Variants in DLG2 observed in about 807,000 individuals in gnomAD.
DLG2 encodes the protein disks large homolog 2.
Under a neutral mutation model 132.5 loss-of-function variants are expected in DLG2, and 45 were observed. The ratio of observed to expected loss-of-function variants is 0.34; its 90% confidence interval spans 0.27 to 0.44. The LOEUF is 0.44. Ranked by LOEUF, DLG2 falls within the 20% of genes least tolerant of loss-of-function variation. The pLI, the probability that DLG2 is intolerant of heterozygous loss-of-function variation, is 1.00. For synonymous variants in DLG2, 424 were observed against 419.6 expected (o/e 1.01, Z -0.13); for missense variants, 1,045 against 1,196.9 (o/e 0.87, Z 1.87).
At chr11:83,818,345 G>A (rs1293494560) in intron 17 of DLG2, among the ~76,000 whole-genome samples, 3 of 152,288 alleles carry the variant, frequency 2.0e-5, no homozygotes, top group East Asian at 3.9e-4. Flanking sequence ...GACTTGCAGT[G>A]AGGATCTGGG....
intron 14 of DLG2, among the ~76,000 whole-genome samples, chr11:83,943,935 T>C (rs1216193701): frequency 1.3e-5 from 2 of 152,206 alleles, no homozygotes; most frequent in Admixed American, 6.5e-5. Context: ...AAGATCTACC[T>C]TATAGGACTG....
intron 6 of DLG2, among the ~76,000 whole-genome samples, chr11:84,903,566 G>A (rs1408756897): frequency 1.3e-5 from 2 of 152,094 alleles, no homozygotes; most frequent in African/African-American, 4.8e-5. Flanking sequence ...CACAAACTTA[G>A]TTGAATCAAG....
chr11:85,421,152 A>T (rs1258854351), intron 3 of DLG2, among the ~76,000 whole-genome samples: 2 of 152,158 alleles, frequency 1.3e-5, no homozygotes, highest in African/African-American at 4.8e-5. Context: ...GGAAAAGCAT[A>T]GTATCGGAGC....
At chr11:83,747,201 T>C (rs985213483) in intron 18 of DLG2, among the ~76,000 whole-genome samples, 1 of 152,180 alleles carries the variant, frequency 6.6e-6, no homozygotes. Context: ...AGAACTGTTA[T>C]GTAGTTTTGG....
chr11:84,078,049 A>G (rs1041911432), intron 10 of DLG2, among the ~76,000 whole-genome samples: 1 of 152,204 alleles, frequency 6.6e-6, no homozygotes, highest in Non-Finnish European at 1.5e-5. Flanking sequence ...ACTAAAATAT[A>G]TTATGAAATT....
chr11:84,295,560 C>T (rs1316096302), intron 7 of DLG2, among the ~76,000 whole-genome samples: 2 of 152,188 alleles, frequency 1.3e-5, no homozygotes, highest in Non-Finnish European at 2.9e-5. Context: ...GGAGCTGACA[C>T]AGTGAAACAT....
intron 6 of DLG2, among the ~76,000 whole-genome samples, chr11:84,968,888 G>A (rs2053676580): frequency 6.6e-6 from 1 of 151,978 alleles, no homozygotes; most frequent in South Asian, 2.1e-4. Context: ...AATTTTAAAT[G>A]CAATTTAACA....
intron 5 of DLG2, among the ~76,000 whole-genome samples, chr11:85,148,488 T>C (rs562473262): frequency 1.3e-5 from 2 of 152,346 alleles, no homozygotes; most frequent in African/African-American, 4.8e-5. Flanking sequence ...TTGATTTTCA[T>C]TTCTCTAATG....
At chr11:84,362,301 A>C (rs1417206165) in intron 7 of DLG2, among the ~76,000 whole-genome samples, 1 of 151,952 alleles carries the variant, frequency 6.6e-6, no homozygotes, top group African/African-American at 2.4e-5. Context: ...AAAGCAGTCT[A>C]ATGGTAACTC....
chr11:85,309,974 A>G (rs1053133991), intron 3 of DLG2, among the ~76,000 whole-genome samples: 10 of 152,202 alleles, frequency 6.6e-5, no homozygotes. Flanking sequence ...TACCTGGTAC[A>G]TAGCAGTCTC....
chr11:83,686,793 T>A (rs1046403507), intron 18 of DLG2, among the ~76,000 whole-genome samples: 1 of 152,208 alleles, frequency 6.6e-6, no homozygotes, highest in South Asian at 2.1e-4. Context: ...TGTATGACTT[T>A]GATACAACAA....
intron 7 of DLG2, among the ~76,000 whole-genome samples, chr11:84,380,600 T>TA: frequency 6.6e-6 from 1 of 151,798 alleles, no homozygotes; most frequent in Admixed American, 6.6e-5. Context: ...ACTTATAGCC[T>TA]TAAGTATTTA....
At chr11:83,603,937 C>T (rs1245979896) in intron 19 of DLG2, among the ~76,000 whole-genome samples, 2 of 152,098 alleles carry the variant, frequency 1.3e-5, no homozygotes, top group African/African-American at 4.8e-5. Flanking sequence ...ATTCATGTCA[C>T]ATTTCACCTC....
intron 4 of DLG2, among the ~76,000 whole-genome samples, chr11:85,213,613 C>T (rs981178837): frequency 6.6e-6 from 1 of 152,104 alleles, no homozygotes; most frequent in Non-Finnish European, 1.5e-5. Context: ...TGTTTCTTAT[C>T]AGACTTAGTC....
In DLG2 at chr11:84,080,978, G is replaced by C. The variant is rs911864935; in HGVS notation, c.749+17945C>G. 3.0e-5 allele frequency among the ~76,000 whole-genome samples: 4 copies of C among 133,864 alleles called. No homozygotes were observed. The Admixed American group carries it at 3.2e-4, about 11-fold the overall frequency. The allele number at this position is 133,864 out of a possible 152,430, so 87.8% of individuals were successfully genotyped here. A position where few individuals can be genotyped will look rare whatever the true frequency, so the allele number is the denominator to read the frequency against. On this transcript the variant is annotated intron_variant, in intron 10 of 27. Coordinates refer to ENST00000376104, the MANE Select transcript of DLG2 (RefSeq NM_001142699.3). Reference sequence around the variant, plus strand: ...TTGCACTCCAACCTGCACGACAAGAGCAAAACTCTGTCTCAAAAAAAAAAA... The same window carrying C: ...TTGCACTCCAACCTGCACGACAAGACCAAAACTCTGTCTCAAAAAAAAAAA...
At chr11:85,548,444 T>C (rs2076463265) in intron 3 of DLG2, among the ~76,000 whole-genome samples, 1 of 152,192 alleles carries the variant, frequency 6.6e-6, no homozygotes, top group African/African-American at 2.4e-5. Context: ...GGGAGGTGTC[T>C]CCCAGTCAGG....
intron 6 of DLG2, among the ~76,000 whole-genome samples, chr11:84,706,186 A>G (rs1376022082): frequency 6.6e-6 from 1 of 151,816 alleles, no homozygotes; most frequent in African/African-American, 2.4e-5. Context: ...GCAAGTTTAG[A>G]AAAAGATCAA....
At chr11:83,686,594 A>C (rs1228300404) in intron 18 of DLG2, among the ~76,000 whole-genome samples, 1 of 152,160 alleles carries the variant, frequency 6.6e-6, no homozygotes, top group Non-Finnish European at 1.5e-5. Flanking sequence ...TGTAATATGT[A>C]TTTATTAAAT....
chr11:85,500,120 A>C lies in DLG2; in HGVS notation c.40+98537T>G, dbSNP rs912824343. Among the ~76,000 whole-genome samples the C allele has an allele frequency of 3.3e-5, 5 of 152,262 alleles. No individual in the cohort carries two copies. The South Asian group carries it at 6.2e-4, about 19-fold the overall frequency. On this transcript the variant is annotated intron_variant, in intron 3 of 27. Transcript: ENST00000376104. ...GGGCAATCAGGCAGGTGAAAGAAAC[A>C]AAGTGTATTCAAATAGGAAGAGAGG... is the stretch of plus-strand genomic sequence containing the variant.
Sources: gnomAD v4.1 joint callset for allele counts (sites outside exome capture counted in the v4.1 genomes callset) on GRCh38, gnomAD v4.1.1 for gene constraint, MANE v1.5 for transcripts, NCBI Gene and HGNC (gene_info 2026-07-23, HGNC 2026-07-21) for gene names.